The following R3HDM1 variants were observed in gnomAD, a reference collection of about 807,000 sequenced individuals.
R3HDM1 encodes the protein R3H domain containing 1.
A neutral mutation model predicts 141.1 loss-of-function variants in R3HDM1; 46 were observed. The ratio of observed to expected loss-of-function variants is 0.33; its 90% CI spans 0.26 to 0.42. The LOEUF is 0.42. Among genes scored for constraint, R3HDM1 ranks in the 10% least tolerant of loss-of-function variants. The pLI is 1.00. For missense variants in R3HDM1, 1,184 were observed against 1,368.3 expected (o/e 0.87, Z 2.12); for synonymous variants, 435 against 472.9 (o/e 0.92, Z 1.04).
intron 24 of R3HDM1, chr2:135,721,677 TC>T (rs1043617643): frequency 8.6e-6 from 3 of 347,844 alleles, no homozygotes; most frequent in African/African-American, 6.3e-5. Context: ...AACCTCTACC[TC>T]CCAAGTTCAA....
chr2:135,638,597 TG>T lies in R3HDM1; in HGVS notation c.904-20del, dbSNP rs1432447958. Reference sequence around the variant, plus strand: ...TATATTTGACAAAAGCTCAACTTTTTGTATCTATTCTTTTTTCTAGTCCCTG... The same window carrying T: ...TATATTTGACAAAAGCTCAACTTTTTTATCTATTCTTTTTTCTAGTCCCTG... On this transcript the variant is annotated intron_variant, in intron 11 of 26. Transcript: ENST00000683871. The T allele has an allele frequency of 1.3e-6, 2 of 1,595,954 alleles. No individual in the cohort carries two copies. The highest frequency in any genetic ancestry group is 2.2e-5 in the South Asian group (2 of 90,436).
intron 1 of R3HDM1, among the ~76,000 whole-genome samples, chr2:135,558,348 A>G (rs188867270): frequency 3.3e-5 from 5 of 152,368 alleles, no homozygotes; most frequent in African/African-American, 1.2e-4. Flanking sequence ...CTTATTAGAC[A>G]GCACAACTAT....
At chr2:135,579,973 G>T (rs747603647) in intron 1 of R3HDM1, among the ~76,000 whole-genome samples, 6 of 152,110 alleles carry the variant, frequency 3.9e-5, no homozygotes, top group Non-Finnish European at 8.8e-5. Flanking sequence ...TAAAAATAGG[G>T]GCCGGGCATA....
chr2:135,647,394 ATAATGT>A (rs1475212451), intron 16 of R3HDM1, among the ~76,000 whole-genome samples: 2 of 152,226 alleles, frequency 1.3e-5, no homozygotes, highest in Non-Finnish European at 2.9e-5. Context: ...TTCAGTGGAA[ATAATGT>A]TAATCTGGCA....
At chr2:135,618,559 T>C (rs1224529683) in intron 5 of R3HDM1, among the ~76,000 whole-genome samples, 1 of 151,710 alleles carries the variant, frequency 6.6e-6, no homozygotes, top group South Asian at 2.1e-4. Context: ...AAATAGACTT[T>C]CTAGCAAAAA....
At chr2:135,645,572 A>C in intron 16 of R3HDM1, 45 bp downstream of exon 16, 1 of 1,589,024 alleles carries the variant, frequency 6.3e-7, no homozygotes, top group South Asian at 1.1e-5. Flanking sequence ...ACTTGCCTTT[A>C]CATATTTGGG....
At chr2:135,703,312 G>C (rs2074484800) in intron 21 of R3HDM1, among the ~76,000 whole-genome samples, 1 of 152,128 alleles carries the variant, frequency 6.6e-6, no homozygotes, top group Admixed American at 6.6e-5. Flanking sequence ...TTCCAGCCCA[G>C]CTTCTAAGTT....
At chr2:135,660,651 GC>G (rs2066573224) in intron 18 of R3HDM1, among the ~76,000 whole-genome samples, 1 of 152,156 alleles carries the variant, frequency 6.6e-6, no homozygotes, top group South Asian at 2.1e-4. Context: ...TTTGAGACCA[GC>G]CTGGCCAACG....
In R3HDM1 at chr2:135,531,598, C is replaced by T. The variant is rs1694693645; in HGVS notation, c.-285C>T. 2 of 987,028 alleles carry T rather than the reference C, an allele frequency of 2.0e-6. No homozygotes were observed. The allele number at this position is 987,028 out of a possible 1,614,324, so 61.1% of individuals were successfully genotyped here. A position where few individuals can be genotyped will look rare whatever the true frequency, so the allele number is the denominator to read the frequency against. ...CAGCCCCGCCGTCGCCCCGCCGCGCCGCGCTCCAACCGCCTCCTCCTCCTC... is the reference window on the plus strand; with the variant it reads ...CAGCCCCGCCGTCGCCCCGCCGCGCTGCGCTCCAACCGCCTCCTCCTCCTC... On this transcript the variant is annotated 5_prime_UTR_variant, in exon 1 of 27. Transcript: ENST00000683871.
At chr2:135,531,901 C>G (rs13395369) in intron 1 of R3HDM1, among the ~76,000 whole-genome samples, 11,758 of 152,270 alleles carry the variant, frequency 0.077, 1,504 homozygotes, top group African/African-American at 0.27. Context: ...GCAGCTGCAG[C>G]CACTGCCTTG....
At chr2:135,558,611 G>A (rs903757480) in intron 1 of R3HDM1, among the ~76,000 whole-genome samples, 11 of 152,132 alleles carry the variant, frequency 7.2e-5, no homozygotes, top group African/African-American at 2.4e-4. Context: ...CCTTAGAATG[G>A]GAGCTAAAGA....
chr2:135,724,056 C>T lies in R3HDM1; in HGVS notation c.3169C>T (p.Gln1057Ter), dbSNP rs754085386. 6.2e-7 allele frequency: 1 copy of T among 1,614,010 alleles called. No individual in the cohort carries two copies. Among genetic ancestry groups the T allele is most frequent in the African/African-American group, 1.3e-5 (1 of 75,038 alleles). The change falls in exon 27 of 27, where the codon CAG becomes TAG. Residue 1057 changes from glutamine (Q) to a stop codon, truncating the protein, a stop_gained. Transcript: ENST00000683871. LOFTEE classifies it high-confidence loss of function. ...CAAGATCCGGTGGCTCCGGGACCCC[C>T]AGTCCCAACCACGTCGTCACCCCCT... ...GAKIRWLRDP[Q>*]SQPRRHPLCC...
Position 135,662,053 on chromosome 2 carries a change from T to A in R3HDM1, c.2152+660T>A, listed in dbSNP as rs569840322. Among the ~76,000 whole-genome samples the A allele has an allele frequency of 4.6e-5, 7 of 152,384 alleles. No homozygotes were observed. The South Asian group carries it at 1.2e-3, about 27-fold the overall frequency. ...ATCTCAGTGTATAAAACTATCTTAT[T>A]GATTTTTTAATGAACTCATTTCTCT... On this transcript the variant is annotated intron_variant, in intron 19 of 26. Transcript: ENST00000683871.
intron 1 of R3HDM1, among the ~76,000 whole-genome samples, chr2:135,537,278 T>TG (rs1491295506): frequency 1.1e-3 from 85 of 78,532 alleles, no homozygotes; most frequent in African/African-American, 9.6e-3. Flanking sequence ...TTAGTCTGTC[T>TG]TTTTTTTTTT....
chr2:135,695,885 C>A (rs1249373714), intron 21 of R3HDM1, among the ~76,000 whole-genome samples: 1 of 152,122 alleles, frequency 6.6e-6, no homozygotes, highest in Non-Finnish European at 1.5e-5. Context: ...ATTGGTGGTA[C>A]ACAAAAGAAT....
At chr2:135,607,797 T>C in intron 3 of R3HDM1, 1 of 943,824 alleles carries the variant, frequency 1.1e-6, no homozygotes, top group African/African-American at 1.8e-5. Context: ...CAGTTGTTTG[T>C]AGTATAAGAA....
intron 17 of R3HDM1, chr2:135,651,112 A>G: frequency 1.0e-6 from 1 of 985,414 alleles, no homozygotes; most frequent in Non-Finnish European, 1.2e-6. Flanking sequence ...CATTTGAATT[A>G]CATTTGTCAA....
chr2:135,650,021 A>G lies in R3HDM1; in HGVS notation c.1725+18A>G. The G allele has an allele frequency of 8.2e-7, 1 of 1,224,008 alleles. No individual in the cohort carries two copies. The highest frequency in any genetic ancestry group is 1.6e-5 in the African/African-American group (1 of 63,286). 75.8% of individuals were successfully genotyped at this position (1,224,008 alleles called of 1,614,324 possible). A position where few individuals can be genotyped will look rare whatever the true frequency, so the allele number is the denominator to read the frequency against. On this transcript the variant is annotated intron_variant, in intron 17 of 26. Transcript: ENST00000683871. ...ACTCTGTGGTACTATATCTCTATTC[A>G]CCTCCTGCGTTGTTTCTGTGGGTGG...
Position 135,604,802 on chromosome 2 carries a change from T to A in R3HDM1, c.-40-4T>A. On this transcript the variant is annotated splice_region_variant and splice_polypyrimidine_tract_variant and intron_variant, in intron 2 of 26. Transcript: ENST00000683871. Reference sequence around the variant, plus strand: ...TCAAACTGTATTAATTTTTTTTTCTTAAGGCTTCAAGCTCCCTGTAGAATT... The same window carrying A: ...TCAAACTGTATTAATTTTTTTTTCTAAAGGCTTCAAGCTCCCTGTAGAATT... The A allele has an allele frequency of 6.3e-7, 1 of 1,596,536 alleles. No individual in the cohort carries two copies. The highest frequency in any genetic ancestry group is 8.6e-7 in the Non-Finnish European group (1 of 1,167,736).
Sources: allele counts gnomAD v4.1 joint callset (sites outside exome capture counted in the v4.1 genomes callset), GRCh38; gene constraint gnomAD v4.1.1; transcripts MANE v1.5; gene names NCBI Gene and HGNC (gene_info 2026-07-23, HGNC 2026-07-21).